The following B3GALNT2 variants were observed in gnomAD, a reference collection of about 807,000 sequenced individuals.
The protein encoded by B3GALNT2 is beta-1,3-N-acetylgalactosaminyltransferase 2.
A neutral mutation model predicts 61.1 loss-of-function variants in B3GALNT2; 53 were observed. The ratio of observed to expected loss-of-function variants is 0.87; its 90% CI spans 0.70 to 1.09. B3GALNT2 has a LOEUF of 1.09. B3GALNT2 is among the 50% of genes least tolerant of loss of function. The probability of loss-of-function intolerance (pLI) is 0.00; values close to 1 mark genes in which losing one functional copy is unlikely to be tolerated. For missense variants in B3GALNT2, 544 were observed against 623.0 expected, an observed-to-expected ratio of 0.87 and a Z score of 1.35; for synonymous variants, 223 against 237.4, an observed-to-expected ratio of 0.94 and a Z score of 0.56.
At chr1:235,489,300 C>T (rs761325959) in intron 2 of B3GALNT2, 32 bp from the exon 3 acceptor site, 1 of 1,610,204 alleles carries the variant, frequency 6.2e-7, no homozygotes, top group Non-Finnish European at 8.5e-7. Context: ...ACATCAGTTA[C>T]TGATCTTCAC....
chr1:235,445,100 A>G (rs550225630), downstream of B3GALNT2, among the ~76,000 whole-genome samples: 1 of 152,376 alleles, frequency 6.6e-6, no homozygotes, highest in East Asian at 1.9e-4. Context: ...GACTATCCAT[A>G]GAAATTATAT....
chr1:235,493,253 G>C (rs1309531692), intron 2 of B3GALNT2, among the ~76,000 whole-genome samples: 1 of 152,128 alleles, frequency 6.6e-6, no homozygotes, highest in Non-Finnish European at 1.5e-5. Flanking sequence ...GGAAAAATCA[G>C]GGTAACACCA....
intron 10 of B3GALNT2, among the ~76,000 whole-genome samples, chr1:235,453,911 G>C (rs1683045507): frequency 6.6e-6 from 1 of 152,238 alleles, no homozygotes; most frequent in Non-Finnish European, 1.5e-5. Context: ...CCCAAGGTAA[G>C]TGGGTTCTGC....
chr1:235,471,504 G>A (rs767481928), intron 5 of B3GALNT2, among the ~76,000 whole-genome samples: 21 of 152,116 alleles, frequency 1.4e-4, no homozygotes, highest in Non-Finnish European at 2.5e-4. Context: ...GGTATACACC[G>A]CCAACTGCTT....
In B3GALNT2 at chr1:235,447,972, G is replaced by GA. The variant is rs1302962460; in HGVS notation, c.*2233_*2234insT. On this transcript the variant is annotated 3_prime_UTR_variant, in exon 12 of 12. Transcript: ENST00000366600. ...ATGCTTGTAATCCCAGCACTTTGGG[G>GA]GGCCAGGGCGGGCGGATCACGAGGT... Among the ~76,000 whole-genome samples, 7 of 151,942 alleles carry GA rather than the reference G, an allele frequency of 4.6e-5. No individual in the cohort carries two copies. The highest frequency in any genetic ancestry group is 1.5e-4 in the African/African-American group (6 of 41,370).
chr1:235,467,140 A>C (rs1412649972), intron 6 of B3GALNT2, among the ~76,000 whole-genome samples: 1 of 152,122 alleles, frequency 6.6e-6, no homozygotes, highest in Non-Finnish European at 1.5e-5. Context: ...CGAGGACAAG[A>C]CATCAAGACC....
At chr1:235,487,053 C>A (rs1199420234) in intron 3 of B3GALNT2, among the ~76,000 whole-genome samples, 1 of 151,612 alleles carries the variant, frequency 6.6e-6, no homozygotes, top group African/African-American at 2.4e-5. Context: ...TCTAGCTACT[C>A]GGGAGACTAA....
At chr1:235,484,719 C>A in intron 3 of B3GALNT2, 1 of 919,802 alleles carries the variant, frequency 1.1e-6, no homozygotes, top group Non-Finnish European at 1.5e-6. Context: ...AAGTTTTCAG[C>A]CACATCTAAG....
chr1:235,502,742 C>A (rs1685638981), intron 1 of B3GALNT2, among the ~76,000 whole-genome samples: 1 of 152,156 alleles, frequency 6.6e-6, no homozygotes, highest in Admixed American at 6.5e-5. Context: ...CCTAAACAAC[C>A]ATTAAGGCCA....
intron 2 of B3GALNT2, among the ~76,000 whole-genome samples, chr1:235,490,387 C>T (rs923650564): frequency 6.6e-5 from 10 of 152,192 alleles, no homozygotes; most frequent in South Asian, 2.1e-4. Context: ...TGTGCCACCA[C>T]GCCTGGCTAA....
chr1:235,451,492 AGAC>A (rs1682897799), intron 11 of B3GALNT2: 1 of 146,800 alleles, frequency 6.8e-6, no homozygotes, highest in African/African-American at 2.5e-5. Flanking sequence ...AAAAAAAAAA[AGAC>A]CGCATCAGAA....
chr1:235,442,710 TA>T (rs1370295965), downstream of B3GALNT2: 98 of 736,704 alleles, frequency 1.3e-4, 1 homozygote, highest in Non-Finnish European at 4.7e-5. Context: ...GAAGGATTAA[TA>T]GAAAGAATTT....
chr1:235,504,098 A>AC (rs149884283), intron 1 of B3GALNT2, 43 bp downstream of exon 1: 216 of 1,195,564 alleles, frequency 1.8e-4, no homozygotes, highest in Non-Finnish European at 2.1e-4. Context: ...CGGGCCTCCC[A>AC]CCCCCCCGGC....
Position 235,504,225 on chromosome 1 carries a change from G to A in B3GALNT2, c.28C>T (p.Pro10Ser), listed in dbSNP as rs904324970. Residue 10 changes from proline to serine, a missense_variant, in exon 1 of 12, where the codon CCG becomes TCG. By Grantham distance (74) the Pro-to-Ser change is moderately conservative. Transcript: ENST00000366600. The part of the protein sequence containing the change: MRNWLVLLC[P>S]CVLGAALHLW... ...TGCAGCGCGGCCCCGAGCACACACGGGCACAGCAGCACCAGCCAGTTTCGC... is the reference window on the plus strand; with the variant it reads ...TGCAGCGCGGCCCCGAGCACACACGAGCACAGCAGCACCAGCCAGTTTCGC... The A allele has an allele frequency of 6.8e-7, 1 of 1,478,200 alleles. No individual in the cohort carries two copies. Among genetic ancestry groups the A allele is most frequent in the Non-Finnish European group, 8.9e-7 (1 of 1,121,416 alleles). The allele number at this position is 1,478,200 out of a possible 1,614,324, so 91.6% of individuals were successfully genotyped here. A position where few individuals can be genotyped will look rare whatever the true frequency, so the allele number is the denominator to read the frequency against.
At chr1:235,486,673 T>A (rs947959250) in intron 3 of B3GALNT2, among the ~76,000 whole-genome samples, 1 of 152,230 alleles carries the variant, frequency 6.6e-6, no homozygotes, top group Non-Finnish European at 1.5e-5. Context: ...GTATTACATA[T>A]ATGAAAATGT....
At chr1:235,474,990 T>G (rs1385722585) in intron 5 of B3GALNT2, among the ~76,000 whole-genome samples, 1 of 54,486 alleles carries the variant, frequency 1.8e-5, no homozygotes, top group African/African-American at 9.9e-5. Flanking sequence ...TATATATATT[T>G]TTTTTTTTTT....
intron 4 of B3GALNT2, among the ~76,000 whole-genome samples, chr1:235,483,434 A>G (rs1684648953): frequency 6.6e-6 from 1 of 152,150 alleles, no homozygotes. Flanking sequence ...CCTGAATAAA[A>G]CAGACAAAGA....
At chr1:235,500,080 T>C (rs772264265) in intron 1 of B3GALNT2, among the ~76,000 whole-genome samples, 4 of 152,154 alleles carry the variant, frequency 2.6e-5, no homozygotes, top group Middle Eastern at 3.2e-3. Context: ...TTTTGGGGTA[T>C]TGTTTTCTTC....
At chr1:235,469,378 A>C (rs1287941614) in intron 6 of B3GALNT2, among the ~76,000 whole-genome samples, 1 of 152,192 alleles carries the variant, frequency 6.6e-6, no homozygotes, top group African/African-American at 2.4e-5. Context: ...CCGTTTGTTT[A>C]CTAAAGTTCA....
Sources: gnomAD v4.1 joint callset for allele counts (sites outside exome capture counted in the v4.1 genomes callset) on GRCh38, gnomAD v4.1.1 for gene constraint, MANE v1.5 for transcripts, NCBI Gene and HGNC (gene_info 2026-07-23, HGNC 2026-07-21) for gene names.